The following BICC1 variants were observed in gnomAD, a reference collection of about 807,000 sequenced individuals.
BICC1 encodes BicC family RNA binding protein 1, also known as protein bicaudal C homolog 1.
A neutral mutation model predicts 111.0 loss-of-function variants in BICC1; 43 were observed. That is an observed-to-expected ratio of 0.39 (90% CI 0.30 to 0.50). BICC1 has a LOEUF of 0.50. Among genes scored for constraint, BICC1 ranks in the 20% least tolerant of loss-of-function variants. The pLI is 0.88. For synonymous variants in BICC1, 467 were observed against 434.4 expected (o/e 1.07, Z -0.93); for missense variants, 1,091 against 1,203.2 (o/e 0.91, Z 1.38).
intron 3 of BICC1, among the ~76,000 whole-genome samples, chr10:58,714,871 TAAAA>T (rs544106801): frequency 5.1e-5 from 6 of 117,630 alleles, no homozygotes; most frequent in African/African-American, 6.2e-5. Flanking sequence ...TCTCATTAGC[TAAAA>T]AAAAAAAAAA....
chr10:58,672,145 G>C (rs552100306), intron 2 of BICC1, among the ~76,000 whole-genome samples: 14 of 152,216 alleles, frequency 9.2e-5, no homozygotes, highest in African/African-American at 3.4e-4. Flanking sequence ...GTGGCATTGA[G>C]TATATTCACA....
intron 1 of BICC1, among the ~76,000 whole-genome samples, chr10:58,594,302 T>C (rs1320501667): frequency 1.3e-5 from 2 of 152,150 alleles, no homozygotes; most frequent in African/African-American, 2.4e-5. Context: ...AAAGCACTTT[T>C]CAGGATATTA....
intron 1 of BICC1, among the ~76,000 whole-genome samples, chr10:58,601,595 G>T (rs1412775990): frequency 2.0e-5 from 3 of 151,782 alleles, no homozygotes; most frequent in Non-Finnish European, 4.4e-5. Context: ...TAGACTCTTA[G>T]AAATAGAATT....
At chr10:58,693,547 G>C (rs1162526785) in intron 2 of BICC1, among the ~76,000 whole-genome samples, 1 of 152,056 alleles carries the variant, frequency 6.6e-6, no homozygotes, top group Non-Finnish European at 1.5e-5. Context: ...CTTAATGATC[G>C]CCATTCTAAC....
rs1564522722 is a variant in BICC1, at chr10:58,632,861, G to GATGGATA, written c.237+11960_237+11961insATGGATA. Reference sequence around the variant, plus strand: ...GTTTTACATAGATAGATAGATAGATGGATAGATAGATAGATAGATAGATAT... The same window carrying GATGGATA: ...GTTTTACATAGATAGATAGATAGATGATGGATAGATAGATAGATAGATAGATAGATAT... On this transcript the variant is annotated intron_variant, in intron 2 of 20. Transcript: ENST00000373886. Among the ~76,000 whole-genome samples the GATGGATA allele has an allele frequency of 5.5e-4, 83 of 150,820 alleles. 4 individuals carry two copies. In the South Asian group the frequency reaches 0.016, roughly 30 times the overall value.
chr10:58,795,951 G>A (rs1307254869), intron 9 of BICC1, among the ~76,000 whole-genome samples: 2 of 152,114 alleles, frequency 1.3e-5, no homozygotes, highest in Non-Finnish European at 2.9e-5. Context: ...ATGAGGGGCT[G>A]TAAAAAGGGA....
intron 1 of BICC1, among the ~76,000 whole-genome samples, chr10:58,536,449 A>G (rs1664256422): frequency 6.6e-6 from 1 of 151,842 alleles, no homozygotes; most frequent in South Asian, 2.1e-4. Flanking sequence ...ATGGAAGTTA[A>G]TCTGTTCCTG....
intron 3 of BICC1, among the ~76,000 whole-genome samples, chr10:58,773,908 G>A (rs1842682900): frequency 6.6e-6 from 1 of 152,156 alleles, no homozygotes; most frequent in Non-Finnish European, 1.5e-5. Context: ...CCTTGTTTGG[G>A]AGACATTGGA....
chr10:58,585,531 C>G (rs182308582), intron 1 of BICC1, among the ~76,000 whole-genome samples: 50 of 152,150 alleles, frequency 3.3e-4, no homozygotes, highest in African/African-American at 1.1e-3. Context: ...CTAGTTTCCC[C>G]TCCTATTTTT....
chr10:58,727,915 A>C (rs894093741), intron 3 of BICC1, among the ~76,000 whole-genome samples: 3 of 152,250 alleles, frequency 2.0e-5, no homozygotes, highest in Admixed American at 6.5e-5. Context: ...TAGTTGATTA[A>C]GTGTGCAATA....
chr10:58,543,943 T>A (rs1843066607), intron 1 of BICC1, among the ~76,000 whole-genome samples: 1 of 151,746 alleles, frequency 6.6e-6, no homozygotes, highest in Non-Finnish European at 1.5e-5. Flanking sequence ...TAGAAACTAC[T>A]CAAACGTTTT....
Position 58,754,760 on chromosome 10 carries a change from A to ATGTGTGTGTG in BICC1, c.308-30225_308-30216dup, listed in dbSNP as rs149325160. On this transcript the variant is annotated intron_variant, in intron 3 of 20. Transcript: ENST00000373886. ...GACAAACTTGTGAGGGGGGGTGTGT[A>ATGTGTGTGTG]TGTGTGTGTGTGTGTGTGTGTGTGT... Among the ~76,000 whole-genome samples, 270 of 148,850 alleles carry ATGTGTGTGTG rather than the reference A, an allele frequency of 1.8e-3. 1 individual carries two copies. The highest frequency in any genetic ancestry group is 0.016 in the East Asian group (79 of 4,972).
intron 3 of BICC1, among the ~76,000 whole-genome samples, chr10:58,738,588 T>A (rs1841551815): frequency 6.6e-6 from 1 of 150,670 alleles, no homozygotes; most frequent in Non-Finnish European, 1.5e-5. Flanking sequence ...TTTGGTTCCA[T>A]ATGAACTTTA....
rs1844477606 is a variant in BICC1 at position 58,828,889 on chromosome 10, T to TAGC, written c.*3_*5dup. 6.2e-7 allele frequency: 1 copy of TAGC among 1,613,844 alleles called. No individual in the cohort carries two copies. The stretch of plus-strand genomic sequence containing the variant: ...CATTGCTAGTGTCAGTGGCCGCTGG[T>TAGC]AGCAGCACCCTCTTGGCACATGCCC... On this transcript the variant is annotated inframe_insertion and stop_retained_variant, in exon 21 of 21. Coordinates refer to ENST00000373886, the MANE Select transcript of BICC1 (RefSeq NM_001080512.3).
intron 3 of BICC1, among the ~76,000 whole-genome samples, chr10:58,760,308 T>A (rs1842275771): frequency 1.3e-5 from 2 of 152,140 alleles, no homozygotes; most frequent in East Asian, 1.9e-4. Flanking sequence ...TATTTGCAGC[T>A]CCTTAGTGTA....
intron 3 of BICC1, among the ~76,000 whole-genome samples, chr10:58,740,726 A>G (rs1266744889): frequency 1.3e-5 from 2 of 152,202 alleles, no homozygotes; most frequent in Non-Finnish European, 1.5e-5. Context: ...AGTCCACATG[A>G]GGAGTGACTA....
At chr10:58,765,082 GTT>G (rs1194328775) in intron 3 of BICC1, among the ~76,000 whole-genome samples, 1 of 151,572 alleles carries the variant, frequency 6.6e-6, no homozygotes, top group Non-Finnish European at 1.5e-5. Flanking sequence ...TTGTTTTTTT[GTT>G]TTGTTTTGTT....
At chr10:58,544,934 A>G (rs1452632605) in intron 1 of BICC1, among the ~76,000 whole-genome samples, 2 of 152,110 alleles carry the variant, frequency 1.3e-5, no homozygotes, top group African/African-American at 4.8e-5. Flanking sequence ...ATACAGAGAT[A>G]TGCATAGAAG....
intron 3 of BICC1, among the ~76,000 whole-genome samples, chr10:58,706,459 C>A (rs1306469503): frequency 1.3e-5 from 2 of 152,286 alleles, no homozygotes; most frequent in South Asian, 2.1e-4. Context: ...TTCTCACAGT[C>A]TTCTTTTGCT....
Sources: gnomAD v4.1 joint callset for allele counts (sites outside exome capture counted in the v4.1 genomes callset) on GRCh38, gnomAD v4.1.1 for gene constraint, MANE v1.5 for transcripts, NCBI Gene and HGNC (gene_info 2026-07-23, HGNC 2026-07-21) for gene names.